The following GALNT13 variants were observed in gnomAD, a reference collection of about 807,000 sequenced individuals.
GALNT13 encodes the protein UDP-GalNAc:polypeptide N-acetylgalactosaminyltransferase 13.
A neutral mutation model predicts 64.2 loss-of-function variants in GALNT13; 28 were observed. That is an observed-to-expected ratio of 0.44 (90% CI 0.32 to 0.60). The LOEUF is 0.60. Ranked by LOEUF, GALNT13 falls within the 20% of genes least tolerant of loss-of-function variation. The pLI, the probability that GALNT13 is intolerant of heterozygous loss-of-function variation, is 0.05. For missense variants in GALNT13, 577 were observed against 669.8 expected, an observed-to-expected ratio of 0.86 and a Z score of 1.53; for synonymous variants, 214 against 224.6, an observed-to-expected ratio of 0.95 and a Z score of 0.42.
At chr2:153,691,392 A>G in the GALNT13 span, among the ~76,000 whole-genome samples, 1 of 152,146 alleles carries the variant, frequency 6.6e-6, no homozygotes, top group Non-Finnish European at 1.5e-5. Context: ...CATATTCAGT[A>G]TGTGGACAAT....
chr2:153,874,669 G>C (rs976521951), intron 1 of GALNT13, among the ~76,000 whole-genome samples: 22 of 152,108 alleles, frequency 1.4e-4, no homozygotes, highest in Admixed American at 1.4e-3. Flanking sequence ...GGTATGCTAA[G>C]GAGCCTGCAG....
chr2:154,145,102 A>ATCTATCTATCTATCTATC (rs754588661), intron 4 of GALNT13, among the ~76,000 whole-genome samples: 2 of 124,374 alleles, frequency 1.6e-5, no homozygotes, highest in Non-Finnish European at 3.2e-5. Context: ...CTATCTATCT[A>ATCTATCTATCTATCTATC]TATATATATA....
the GALNT13 span, among the ~76,000 whole-genome samples, chr2:153,797,675 T>A: frequency 6.6e-6 from 1 of 152,272 alleles, no homozygotes; most frequent in Admixed American, 6.5e-5. Context: ...CCCCTTGTGA[T>A]GAGAGGCTGG....
chr2:153,534,519 TTTCTTTC>T, the GALNT13 span, among the ~76,000 whole-genome samples: 5 of 98,024 alleles, frequency 5.1e-5, no homozygotes, highest in African/African-American at 4.8e-4. Context: ...CCCCTCTTTC[TTTCTTTC>T]TTTTTTTTTT....
chr2:153,138,981 C>T, the GALNT13 span, among the ~76,000 whole-genome samples: 1 of 152,024 alleles, frequency 6.6e-6, no homozygotes, highest in African/African-American at 2.4e-5. Context: ...TGGAAATTTT[C>T]TGCCTGTCCC....
chr2:154,357,724 T>C lies in GALNT13; in HGVS notation c.1157-38267T>C, dbSNP rs188886085. On this transcript the variant is annotated intron_variant, in intron 9 of 12. Coordinates refer to ENST00000392825, the MANE Select transcript of GALNT13 (RefSeq NM_052917.4). ...TGGTCATTCACTGGGATAGTCATGATACTCATTTATATCCCAGTATCAGTC... is the reference window on the plus strand; with the variant it reads ...TGGTCATTCACTGGGATAGTCATGACACTCATTTATATCCCAGTATCAGTC... Among the ~76,000 whole-genome samples the C allele has an allele frequency of 1.4e-3, 217 of 152,196 alleles. 1 individual carries two copies. Among genetic ancestry groups the C allele is most frequent in the African/African-American group, 5.2e-3 (214 of 41,540 alleles).
the GALNT13 span, among the ~76,000 whole-genome samples, chr2:153,493,952 G>A: frequency 5.9e-4 from 90 of 151,934 alleles, no homozygotes; most frequent in African/African-American, 2.0e-3. Context: ...ACAGTTCTAT[G>A]GGCTATACAA....
At chr2:153,307,236 T>C in the GALNT13 span, among the ~76,000 whole-genome samples, 1 of 152,230 alleles carries the variant, frequency 6.6e-6, no homozygotes. Context: ...ACAGAGGTCT[T>C]TAAAGGTTAG....
chr2:154,103,125 C>T (rs1702435335), intron 3 of GALNT13, among the ~76,000 whole-genome samples: 1 of 151,522 alleles, frequency 6.6e-6, no homozygotes, highest in African/African-American at 2.4e-5. Context: ...TTCTTATTAT[C>T]CCTCAGGAAT....
chr2:154,236,529 T>TC, intron 4 of GALNT13, among the ~76,000 whole-genome samples: 1 of 152,076 alleles, frequency 6.6e-6, no homozygotes, highest in East Asian at 1.9e-4. Flanking sequence ...AACTTTCACT[T>TC]CCTTGCAAGT....
chr2:154,392,206 T>A (rs1353697060), intron 9 of GALNT13, among the ~76,000 whole-genome samples: 1 of 152,142 alleles, frequency 6.6e-6, no homozygotes, highest in Non-Finnish European at 1.5e-5. Context: ...ACAACCAGTA[T>A]TTACAGGGAA....
the GALNT13 span, among the ~76,000 whole-genome samples, chr2:153,164,181 T>C: frequency 1.3e-5 from 2 of 152,150 alleles, no homozygotes; most frequent in Non-Finnish European, 2.9e-5. Flanking sequence ...AAATTTCTAA[T>C]AGTACTGGAG....
chr2:154,382,106 T>C (rs1698299767), intron 9 of GALNT13, among the ~76,000 whole-genome samples: 1 of 152,036 alleles, frequency 6.6e-6, no homozygotes, highest in South Asian at 2.1e-4. Flanking sequence ...ATTACACACA[T>C]GTTGTTTCCT....
At chr2:153,701,710 TC>T in the GALNT13 span, among the ~76,000 whole-genome samples, 1 of 151,876 alleles carries the variant, frequency 6.6e-6, no homozygotes, top group African/African-American at 2.4e-5. Context: ...ACGTATATGG[TC>T]AATAGACACA....
intron 3 of GALNT13, among the ~76,000 whole-genome samples, chr2:154,139,749 G>A (rs777558782): frequency 5.3e-5 from 8 of 151,778 alleles, no homozygotes; most frequent in Admixed American, 6.6e-5. Flanking sequence ...CAAATCCTGC[G>A]TTCTCTTCAC....
At chr2:154,357,776 G>A (rs565183372) in intron 9 of GALNT13, among the ~76,000 whole-genome samples, 1 of 152,142 alleles carries the variant, frequency 6.6e-6, no homozygotes, top group African/African-American at 2.4e-5. Context: ...TGGAGTGATG[G>A]CAGATGTAGA....
At chr2:153,898,805 A>G (rs1688041625) in intron 1 of GALNT13, among the ~76,000 whole-genome samples, 1 of 151,834 alleles carries the variant, frequency 6.6e-6, no homozygotes, top group Non-Finnish European at 1.5e-5. Flanking sequence ...TCAATTGACA[A>G]AATACAGTTT....
At chr2:153,377,118 G>C in the GALNT13 span, among the ~76,000 whole-genome samples, 1 of 152,132 alleles carries the variant, frequency 6.6e-6, no homozygotes, top group Admixed American at 6.5e-5. Flanking sequence ...AGAAAAGGAA[G>C]AGATACCGGG....
At chr2:153,111,809 T>C in the GALNT13 span, among the ~76,000 whole-genome samples, 1 of 152,110 alleles carries the variant, frequency 6.6e-6, no homozygotes, top group Non-Finnish European at 1.5e-5. Context: ...CCCTCCTAAA[T>C]ATAAGGACTC....
Sources: allele counts gnomAD v4.1 joint callset (sites outside exome capture counted in the v4.1 genomes callset), GRCh38; gene constraint gnomAD v4.1.1; transcripts MANE v1.5; gene names NCBI Gene and HGNC (gene_info 2026-07-23, HGNC 2026-07-21).